ANKRD36: variants seen among roughly 807,000 people sequenced by gnomAD.
The protein encoded by ANKRD36 is ankyrin repeat domain-containing protein 36A.
A neutral mutation model predicts 278.1 loss-of-function variants in ANKRD36; 179 were observed. That is an observed-to-expected ratio of 0.64 (90% CI 0.57 to 0.73). ANKRD36 has a LOEUF of 0.73. Among genes scored for constraint, ANKRD36 ranks in the 30% least tolerant of loss-of-function variants. The pLI is 0.00. For missense variants in ANKRD36, 1,159 were observed against 1,956.7 expected, an observed-to-expected ratio of 0.59 and a Z score of 7.69; for synonymous variants, 320 against 641.1, an observed-to-expected ratio of 0.50 and a Z score of 7.57.
At chr2:97,221,153 ACATTTTCTTAATC>A (rs1396277237) in intron 66 of ANKRD36, among the ~76,000 whole-genome samples, 2 of 125,016 alleles carry the variant, frequency 1.6e-5, no homozygotes, top group African/African-American at 7.5e-5. Context: ...TATATGTGCC[ACATTTTCTTAATC>A]CAGTCTATCA....
At chr2:97,209,233 C>T (rs1425485226) in intron 54 of ANKRD36, among the ~76,000 whole-genome samples, 1 of 146,550 alleles carries the variant, frequency 6.8e-6, no homozygotes, top group Admixed American at 6.7e-5. Flanking sequence ...TGTGCCTTCT[C>T]ATTTATTGGG....
At chr2:97,177,217 A>G (rs2054531445) in intron 22 of ANKRD36, among the ~76,000 whole-genome samples, 2 of 152,004 alleles carry the variant, frequency 1.3e-5, no homozygotes, top group Non-Finnish European at 2.9e-5. Flanking sequence ...GCTCATGCAT[A>G]GGAAGAATCA....
chr2:97,208,312 G>A (rs1015336029), intron 54 of ANKRD36, among the ~76,000 whole-genome samples: 2 of 146,734 alleles, frequency 1.4e-5, no homozygotes, highest in African/African-American at 5.3e-5. Context: ...TTTTCAGTAA[G>A]GGTGGAAGGA....
At chr2:97,222,883 C>T (rs549754539) in intron 66 of ANKRD36, among the ~76,000 whole-genome samples, 99 of 152,124 alleles carry the variant, frequency 6.5e-4, no homozygotes, top group Non-Finnish European at 4.3e-4. Flanking sequence ...AATAAGATCA[C>T]AGTTCCATGA....
intron 22 of ANKRD36, among the ~76,000 whole-genome samples, chr2:97,174,744 A>G (rs1360407560): frequency 6.6e-6 from 1 of 151,902 alleles, no homozygotes; most frequent in African/African-American, 2.4e-5. Context: ...CCCATTCAGT[A>G]TGATATTGAC....
At chr2:97,176,272 G>T (rs921288004) in intron 22 of ANKRD36, among the ~76,000 whole-genome samples, 1 of 150,106 alleles carries the variant, frequency 6.7e-6, no homozygotes, top group African/African-American at 2.4e-5. Context: ...TCTCTTTGTA[G>T]GTCACTCAGG....
At chr2:97,143,998 G>A (rs529452707) in intron 8 of ANKRD36, among the ~76,000 whole-genome samples, 19 of 152,132 alleles carry the variant, frequency 1.2e-4, no homozygotes, top group Non-Finnish European at 2.4e-4. Flanking sequence ...TGATCAATTC[G>A]GAACACTTCC....
At chr2:97,220,452 T>C (rs375885828) in intron 66 of ANKRD36, among the ~76,000 whole-genome samples, 2 of 149,134 alleles carry the variant, frequency 1.3e-5, no homozygotes, top group African/African-American at 2.5e-5. Context: ...CTCTATTTTT[T>C]AAATTTCTCA....
At chr2:97,133,512 AGTTTT>A (rs1437280877) in intron 6 of ANKRD36, among the ~76,000 whole-genome samples, 1 of 152,022 alleles carries the variant, frequency 6.6e-6, no homozygotes, top group Non-Finnish European at 1.5e-5. Context: ...TAGATGGTTC[AGTTTT>A]GTTTTATATT....
chr2:97,261,253 T>A (rs2076726039), intron 75 of ANKRD36, among the ~76,000 whole-genome samples: 1 of 128,674 alleles, frequency 7.8e-6, no homozygotes, highest in Non-Finnish European at 1.5e-5. Context: ...TAGCTTTGTA[T>A]TTAAATACTG....
Position 97,219,248 on chromosome 2 carries a change from T to A in ANKRD36, c.3877+2T>A, listed in dbSNP as rs2066742483. ...AGGATGTACAAACATCCACACCAGGTAAACTTTGCATTGTAGATTTAACTC... is the reference window on the plus strand; with the variant it reads ...AGGATGTACAAACATCCACACCAGGAAAACTTTGCATTGTAGATTTAACTC... On this transcript the variant is annotated splice_donor_variant, in intron 66 of 75. Coordinates refer to ENST00000420699, the MANE Select transcript of ANKRD36 (RefSeq NM_001354587.1). LOFTEE classifies it high-confidence loss of function. 8 of 1,563,742 alleles carry A rather than the reference T, an allele frequency of 5.1e-6. No homozygotes were observed. Among genetic ancestry groups the A allele is most frequent in the Non-Finnish European group, 6.9e-6 (8 of 1,155,630 alleles).
At chr2:97,129,734 T>G (rs2039578522) in intron 6 of ANKRD36, among the ~76,000 whole-genome samples, 1 of 152,150 alleles carries the variant, frequency 6.6e-6, no homozygotes, top group African/African-American at 2.4e-5. Flanking sequence ...AGGGAATCCT[T>G]TCCCCATTTC....
Position 97,145,316 on chromosome 2 carries a change from G to A in ANKRD36, c.1003+604G>A, listed in dbSNP as rs866452486. Among the ~76,000 whole-genome samples the A allele has an allele frequency of 9.2e-5, 14 of 152,104 alleles. 1 individual carries two copies. The South Asian group carries it at 2.9e-3, about 32-fold the overall frequency. On this transcript the variant is annotated intron_variant, in intron 10 of 75. Coordinates refer to ENST00000420699, the MANE Select transcript of ANKRD36 (RefSeq NM_001354587.1). Reference sequence around the variant, plus strand: ...GATTTTGGCTGCTCCAGGAACTACTGGAAGCAGGATAGAGTGCTAGAATTG... The same window carrying A: ...GATTTTGGCTGCTCCAGGAACTACTAGAAGCAGGATAGAGTGCTAGAATTG...
At chr2:97,224,178 C>T (rs1164231693) in intron 66 of ANKRD36, among the ~76,000 whole-genome samples, 2 of 150,472 alleles carry the variant, frequency 1.3e-5, no homozygotes, top group African/African-American at 4.9e-5. Context: ...TGTGCTGTTA[C>T]TTTTTCTGTT....
chr2:97,199,571 A>G (rs1200147462), intron 44 of ANKRD36, among the ~76,000 whole-genome samples: 1 of 151,918 alleles, frequency 6.6e-6, no homozygotes, highest in African/African-American at 2.4e-5. Flanking sequence ...TGAATGAAAA[A>G]CTGAGTAATA....
At chr2:97,140,168 G>A (rs1222054213) in intron 6 of ANKRD36, among the ~76,000 whole-genome samples, 1 of 151,474 alleles carries the variant, frequency 6.6e-6, no homozygotes, top group African/African-American at 2.4e-5. Context: ...ATCTCAGCGT[G>A]TCTTATTTGT....
At chr2:97,181,684 T>G in intron 25 of ANKRD36, 37 bp from the exon 26 acceptor site, 1 of 1,606,196 alleles carries the variant, frequency 6.2e-7, no homozygotes, top group Non-Finnish European at 8.5e-7. Context: ...TGAAACCTAC[T>G]TTACATATTG....
chr2:97,209,782 A>G lies in ANKRD36; in HGVS notation c.3295-18A>G, dbSNP rs754631192. The G allele has an allele frequency of 1.3e-6, 2 of 1,598,176 alleles. No homozygotes were observed. Among genetic ancestry groups the G allele is most frequent in the South Asian group, 1.1e-5 (1 of 90,018 alleles). ...TGAAAGATACCTTACTTATTATTTC[A>G]TTTCAAATTCCATTCAGGCTACAAG... On this transcript the variant is annotated intron_variant, in intron 55 of 75. Transcript: ENST00000420699.
In ANKRD36 at chr2:97,142,783, T is replaced by C; in HGVS notation, c.849T>C (p.Asp283=). Residue 283 remains aspartate (D), a synonymous_variant, in exon 8 of 76, where the codon GAT becomes GAC. Coordinates refer to ENST00000420699, the MANE Select transcript of ANKRD36 (RefSeq NM_001354587.1). ...CTCAGGCTACAAGTGGCAAGGAAGA[T>C]TCTATTTCAAATATAGCCACAGAAA... ...PALKATSGKE[D]SISNIATEIK... The C allele has an allele frequency of 6.3e-7, 1 of 1,575,016 alleles. No individual in the cohort carries two copies.
Sources: allele counts gnomAD v4.1 joint callset (sites outside exome capture counted in the v4.1 genomes callset), GRCh38; gene constraint gnomAD v4.1.1; transcripts MANE v1.5; gene names NCBI Gene and HGNC (gene_info 2026-07-23, HGNC 2026-07-21).